The following AKR1C3 variants were observed in gnomAD, a reference collection of about 807,000 sequenced individuals.
AKR1C3 encodes aldo-keto reductase family 1 member C3.
In AKR1C3, 48 loss-of-function variants were observed where a neutral mutation model predicts 43.6. The observed-to-expected ratio is 1.10, with a 90% CI of 0.87 to 1.40. The LOEUF (loss-of-function observed/expected upper bound fraction) is 1.40, where lower values mean the gene tolerates loss of function less well. Ranked by LOEUF, AKR1C3 falls within the 40% of genes most tolerant of loss-of-function variation. The pLI, the probability that AKR1C3 is intolerant of heterozygous loss-of-function variation, is 0.00. For synonymous variants in AKR1C3, 162 were observed against 139.6 expected, an observed-to-expected ratio of 1.16 and a Z score of -1.13; for missense variants, 482 against 391.2, an observed-to-expected ratio of 1.23 and a Z score of -1.96.
intron 1 of AKR1C3, among the ~76,000 whole-genome samples, chr10:5,054,948 T>C (rs965144247): frequency 6.6e-6 from 1 of 152,262 alleles, no homozygotes; most frequent in African/African-American, 2.4e-5. Flanking sequence ...TATAATTTCC[T>C]TATGGTATTT....
At chr10:5,060,661 G>C (rs1838364165) in intron 1 of AKR1C3, among the ~76,000 whole-genome samples, 1 of 152,222 alleles carries the variant, frequency 6.6e-6, no homozygotes, top group African/African-American at 2.4e-5. Context: ...AGGTGGAGCT[G>C]CCTTCCAATC....
At chr10:5,082,097 A>G (rs1437032860) in intron 1 of AKR1C3, among the ~76,000 whole-genome samples, 1 of 152,094 alleles carries the variant, frequency 6.6e-6, no homozygotes, top group African/African-American at 2.4e-5. Flanking sequence ...AAATAGAGGG[A>G]GTTTTACTGT....
upstream of AKR1C3, chr10:5,094,245 CTCTT>C (rs572967221): frequency 6.6e-4 from 255 of 388,656 alleles, no homozygotes; most frequent in African/African-American, 4.3e-3. Flanking sequence ...CTTAGGAATT[CTCTT>C]TGATAAGAAA....
intron 1 of AKR1C3, among the ~76,000 whole-genome samples, chr10:5,052,541 T>C (rs1838174145): frequency 6.6e-6 from 1 of 152,180 alleles, no homozygotes; most frequent in South Asian, 2.1e-4. Context: ...TTACAATCCC[T>C]GAGCTAGACA....
At chr10:5,095,640 T>C (rs1588353581) in intron 1 of AKR1C3, among the ~76,000 whole-genome samples, 1 of 152,168 alleles carries the variant, frequency 6.6e-6, no homozygotes, top group Non-Finnish European at 1.5e-5. Context: ...CAAATCTTTA[T>C]CCAAATTTGG....
chr10:5,052,066 C>A (rs997054638), intron 1 of AKR1C3, among the ~76,000 whole-genome samples: 3 of 152,132 alleles, frequency 2.0e-5, no homozygotes, highest in African/African-American at 4.8e-5. Flanking sequence ...TTAAAGGCAG[C>A]GTGTCCAGAG....
intron 1 of AKR1C3, among the ~76,000 whole-genome samples, chr10:5,066,473 A>G (rs901741336): frequency 2.6e-5 from 4 of 152,280 alleles, no homozygotes; most frequent in African/African-American, 7.2e-5. Flanking sequence ...CATTTCTTTC[A>G]GCTCTTGTTA....
At chr10:5,080,351 C>T (rs1348239605) in intron 1 of AKR1C3, among the ~76,000 whole-genome samples, 2 of 152,080 alleles carry the variant, frequency 1.3e-5, no homozygotes, top group African/African-American at 2.4e-5. Flanking sequence ...TGGCTGGGTG[C>T]GGTAGCTAAT....
At chr10:5,060,439 C>T (rs1838358004) in intron 1 of AKR1C3, among the ~76,000 whole-genome samples, 1 of 152,192 alleles carries the variant, frequency 6.6e-6, no homozygotes, top group Admixed American at 6.5e-5. Context: ...AAGTCCCCAC[C>T]AGAGTAGTTA....
intron 1 of AKR1C3, among the ~76,000 whole-genome samples, chr10:5,058,168 G>T (rs1838303424): frequency 6.6e-6 from 1 of 152,086 alleles, no homozygotes; most frequent in African/African-American, 2.4e-5. Context: ...AGGAAGGGGA[G>T]TTATAGGGAG....
chr10:5,051,508 A>G (rs1838153103), intron 1 of AKR1C3, among the ~76,000 whole-genome samples: 1 of 152,234 alleles, frequency 6.6e-6, no homozygotes, highest in Non-Finnish European at 1.5e-5. Context: ...CAGATTCTCC[A>G]GCAATCAGAA....
chr10:5,079,923 A>T (rs1753245360), intron 1 of AKR1C3, among the ~76,000 whole-genome samples: 1 of 152,172 alleles, frequency 6.6e-6, no homozygotes, highest in African/African-American at 2.4e-5. Context: ...AGGAAAGAAA[A>T]TTTTCTTTGC....
intron 6 of AKR1C3, 27 bp downstream of exon 6, chr10:5,102,237 T>C (rs1241657326): frequency 1.9e-6 from 3 of 1,599,550 alleles, no homozygotes; most frequent in Non-Finnish European, 2.6e-6. Flanking sequence ...GACCTTTACA[T>C]AAACCTTCAT....
intron 1 of AKR1C3, among the ~76,000 whole-genome samples, chr10:5,083,129 G>T (rs904745693): frequency 1.3e-5 from 2 of 151,862 alleles, no homozygotes; most frequent in Non-Finnish European, 2.9e-5. Context: ...ACAACGTGCA[G>T]GTTTGTTACA....
chr10:5,094,619 CCTTA>C, intron 1 of AKR1C3, 91 bp downstream of exon 1: 1 of 1,417,016 alleles, frequency 7.1e-7, no homozygotes, highest in Non-Finnish European at 9.9e-7. Context: ...CGTGTTCCTA[CCTTA>C]CTCTGGATGA....
chr10:5,067,148 C>T (rs541017656), intron 1 of AKR1C3, among the ~76,000 whole-genome samples: 1 of 152,074 alleles, frequency 6.6e-6, no homozygotes, highest in African/African-American at 2.4e-5. Context: ...ATAAGTTTAT[C>T]CACTTATAAG....
At chr10:5,048,869 G>A in exon 1 of AKR1C3, 1 of 1,613,854 alleles carries the variant, frequency 6.2e-7, no homozygotes, top group Non-Finnish European at 8.5e-7. Context: ...GCCTGTCCTG[G>A]GATTTGGCAC....
At chr10:5,058,961 A>G (rs1554779934) in intron 1 of AKR1C3, among the ~76,000 whole-genome samples, 2 of 152,196 alleles carry the variant, frequency 1.3e-5, no homozygotes. Context: ...TTATGCCCCA[A>G]AAATGAAGTG....
chr10:5,052,977 A>G (rs1313010934), intron 1 of AKR1C3, among the ~76,000 whole-genome samples: 1 of 152,216 alleles, frequency 6.6e-6, no homozygotes, highest in Non-Finnish European at 1.5e-5. Context: ...GTGCATTCAC[A>G]AACCCTGAGC....
Sources: allele counts gnomAD v4.1 joint callset (sites outside exome capture counted in the v4.1 genomes callset), GRCh38; gene constraint gnomAD v4.1.1; transcripts MANE v1.5; gene names NCBI Gene and HGNC (gene_info 2026-07-23, HGNC 2026-07-21).